The following DMXL1 variants were observed in gnomAD, a reference collection of about 807,000 sequenced individuals.
DMXL1 encodes dmX-like protein 1.
DMXL1 carries 99 observed loss-of-function variants against 319.2 expected under a neutral mutation model. The observed-to-expected ratio is 0.31, with a 90% confidence interval of 0.26 to 0.37. DMXL1 has a LOEUF of 0.37. DMXL1 is among the 10% of genes least tolerant of loss of function. The pLI, the probability that DMXL1 is intolerant of heterozygous loss-of-function variation, is 1.00. For synonymous variants in DMXL1, 1,385 were observed against 1,235.2 expected, an observed-to-expected ratio of 1.12 and a Z score of -2.54; for missense variants, 3,745 against 3,595.6, an observed-to-expected ratio of 1.04 and a Z score of -1.06.
chr5:119,136,514 C>G (rs1766020554), intron 13 of DMXL1, among the ~76,000 whole-genome samples: 2 of 152,256 alleles, frequency 1.3e-5, no homozygotes, highest in Admixed American at 1.3e-4. Context: ...GGGAAAATGT[C>G]TCTGGGACAT....
chr5:119,212,673 C>G (rs181412459), intron 34 of DMXL1, among the ~76,000 whole-genome samples: 1 of 152,234 alleles, frequency 6.6e-6, no homozygotes, highest in East Asian at 1.9e-4. Flanking sequence ...CTTCACATGT[C>G]CAGCCCAATC....
chr5:119,203,259 T>C, intron 32 of DMXL1, 60 bp from the exon 33 acceptor site: 2 of 1,093,534 alleles, frequency 1.8e-6, no homozygotes, highest in Non-Finnish European at 1.3e-6. Context: ...CAAGGAATTG[T>C]TATCAAGTTA....
chr5:119,127,959 G>T, intron 9 of DMXL1: 1 of 384,120 alleles, frequency 2.6e-6, no homozygotes, highest in South Asian at 2.2e-5. Flanking sequence ...TCCATGTCCT[G>T]AAGGAGAAAT....
chr5:119,098,683 C>G (rs1051204019), intron 2 of DMXL1, among the ~76,000 whole-genome samples: 4 of 152,166 alleles, frequency 2.6e-5, no homozygotes, highest in Non-Finnish European at 4.4e-5. Flanking sequence ...TAAAATTCTT[C>G]TAGATCAGGT....
At chr5:119,187,646 T>C (rs984978398) in intron 28 of DMXL1, among the ~76,000 whole-genome samples, 2 of 152,200 alleles carry the variant, frequency 1.3e-5, no homozygotes, top group Non-Finnish European at 2.9e-5. Context: ...TGGTCCTGCT[T>C]CATTAAAAGT....
At chr5:119,092,632 A>G (rs1251525216) in intron 1 of DMXL1, among the ~76,000 whole-genome samples, 1 of 152,144 alleles carries the variant, frequency 6.6e-6, no homozygotes, top group East Asian at 1.9e-4. Context: ...TCCCGTGTCT[A>G]TTACCAATCA....
intron 28 of DMXL1, among the ~76,000 whole-genome samples, chr5:119,189,087 G>A (rs1425992299): frequency 6.6e-6 from 1 of 151,862 alleles, no homozygotes; most frequent in Non-Finnish European, 1.5e-5. Context: ...AGTATTCTGA[G>A]GTAATATACT....
intron 37 of DMXL1, among the ~76,000 whole-genome samples, chr5:119,224,280 C>G (rs1007835950): frequency 3.3e-5 from 5 of 152,004 alleles, no homozygotes; most frequent in Admixed American, 3.3e-4. Context: ...ATTTGACAGG[C>G]TAGTTAAATT....
At chr5:119,220,184 A>C (rs1784416666) in intron 35 of DMXL1, among the ~76,000 whole-genome samples, 1 of 152,136 alleles carries the variant, frequency 6.6e-6, no homozygotes, top group Admixed American at 6.6e-5. Context: ...TGCATACCTT[A>C]GAGCGATCAT....
intron 1 of DMXL1, among the ~76,000 whole-genome samples, chr5:119,086,534 T>C (rs1347912349): frequency 6.6e-6 from 1 of 152,218 alleles, no homozygotes; most frequent in Non-Finnish European, 1.5e-5. Context: ...TGTCTGGTTT[T>C]GGTGTCAGGA....
intron 7 of DMXL1, 89 bp downstream of exon 7, chr5:119,116,425 TTACAGG>T: frequency 7.4e-7 from 1 of 1,353,146 alleles, no homozygotes; most frequent in Non-Finnish European, 1.0e-6. Context: ...GAGTCCATAG[TTACAGG>T]ACTTCTGAGC....
intron 19 of DMXL1, among the ~76,000 whole-genome samples, chr5:119,157,461 A>T (rs1420910946): frequency 6.6e-6 from 1 of 152,192 alleles, no homozygotes; most frequent in African/African-American, 2.4e-5. Context: ...TGCAGGTCTT[A>T]TGCTTAAGTA....
At chr5:119,174,844 T>C (rs886783519) in intron 25 of DMXL1, among the ~76,000 whole-genome samples, 1 of 152,222 alleles carries the variant, frequency 6.6e-6, no homozygotes, top group Non-Finnish European at 1.5e-5. Context: ...AACTAGAATA[T>C]GTGGTAGCAT....
chr5:119,175,601 C>T (rs897476007), intron 26 of DMXL1, among the ~76,000 whole-genome samples: 5 of 151,952 alleles, frequency 3.3e-5, no homozygotes, highest in African/African-American at 9.7e-5. Flanking sequence ...AGAATTTTAA[C>T]GCAAATAATA....
chr5:119,089,999 C>CTTTTTTTTTTTTTTTTTTTTT lies in DMXL1; in HGVS notation c.88-7962_88-7942dup, dbSNP rs70982467. On this transcript the variant is annotated intron_variant, in intron 1 of 43. Coordinates refer to ENST00000539542, the MANE Select transcript of DMXL1 (RefSeq NM_001290321.3). ...TGATTATTTTATGCTTCGGGTTAGT[C>CTTTTTTTTTTTTTTTTTTTTT]TTTTTTTTTTTTTTTTTTTTTTTTT... Among the ~76,000 whole-genome samples the CTTTTTTTTTTTTTTTTTTTTT allele has an allele frequency of 1.5e-4, 5 of 34,402 alleles. 1 individual carries two copies. Among genetic ancestry groups the CTTTTTTTTTTTTTTTTTTTTT allele is most frequent in the Non-Finnish European group, 2.1e-4 (4 of 18,760 alleles). 22.6% of individuals were successfully genotyped at this position (34,402 alleles called of 152,430 possible). A position where few individuals can be genotyped will look rare whatever the true frequency, so the allele number is the denominator to read the frequency against.
intron 25 of DMXL1, 72 bp from the exon 26 acceptor site, chr5:119,175,189 A>C: frequency 1.7e-6 from 2 of 1,146,750 alleles, no homozygotes; most frequent in Non-Finnish European, 2.5e-6. Context: ...AATGCTGATT[A>C]TATTAGGTCT....
At position 119,144,611 on chromosome 5, in the gene DMXL1, G is replaced by T. The variant is rs757274585; in HGVS notation, c.2542G>T (p.Gly848Cys). The T allele has an allele frequency of 1.9e-6, 3 of 1,598,230 alleles. No homozygotes were observed. Among genetic ancestry groups the T allele is most frequent in the South Asian group, 1.1e-5 (1 of 87,930 alleles). ...GAATAACCTTGAGAAGAAAAGCCTT[G>T]GCAAAGACAGCATTTTATCTAATGC... Reference protein sequence around the residue: ...ILNNLEKKSLGKDSILSNAGS... With the variant: ...ILNNLEKKSLCKDSILSNAGS... Residue 848 changes from glycine to cysteine, a missense_variant, in exon 15 of 44, where the codon GGC (glycine) becomes TGC (cysteine). Around this residue, in one of 4 missense-constraint regions of DMXL1, gnomAD observed 2,096 missense variants for 1,985.4 expected, o/e 1.06. Coordinates refer to ENST00000539542, the MANE Select transcript of DMXL1 (RefSeq NM_001290321.3).
intron 38 of DMXL1, among the ~76,000 whole-genome samples, chr5:119,226,922 T>C (rs1419935905): frequency 6.6e-6 from 1 of 152,170 alleles, no homozygotes; most frequent in African/African-American, 2.4e-5. Context: ...CCCCTTGGAG[T>C]TAGGGTGCAC....
Position 119,193,886 on chromosome 5 carries a change from GTGATGATGATGACAA to G in DMXL1, c.7386_7400del (p.Asn2463_Asp2467del). The G allele has an allele frequency of 1.9e-6, 3 of 1,612,936 alleles. No homozygotes were observed. Among genetic ancestry groups the G allele is most frequent in the South Asian group, 1.1e-5 (1 of 91,014 alleles). ...TATGATTCAGAGGAGAGTCTGGGAAGTGATGATGATGACAATGATGATGATGATGATGTTTTAGCA... is the reference window on the plus strand; with the variant it reads ...TATGATTCAGAGGAGAGTCTGGGAAGTGATGATGATGATGATGTTTTAGCA... On this transcript the variant is annotated inframe_deletion, in exon 30 of 44. Transcript: ENST00000539542.
Sources: allele counts gnomAD v4.1 joint callset (sites outside exome capture counted in the v4.1 genomes callset), GRCh38; gene constraint gnomAD v4.1.1; regional missense constraint gnomAD v4.1.1; transcripts MANE v1.5; gene names NCBI Gene and HGNC (gene_info 2026-07-23, HGNC 2026-07-21).